Variants in CDC25B observed in about 807,000 individuals in gnomAD.
CDC25B encodes M-phase inducer phosphatase 2.
In CDC25B, 33 loss-of-function variants were observed where a neutral mutation model predicts 69.8. The ratio of observed to expected loss-of-function variants is 0.47; its 90% CI spans 0.36 to 0.63. The LOEUF is 0.63. CDC25B is among the 30% of genes least tolerant of loss of function. The pLI is 0.00. For synonymous variants in CDC25B, 341 were observed against 314.6 expected (o/e 1.08, Z -0.89); for missense variants, 727 against 809.1 (o/e 0.90, Z 1.23).
chr20:3,801,908 C>A lies in CDC25B; in HGVS notation c.922-16C>A. 6.2e-7 allele frequency: 1 copy of A among 1,601,870 alleles called. No individual in the cohort carries two copies. Among genetic ancestry groups the A allele is most frequent in the Non-Finnish European group, 8.5e-7 (1 of 1,172,244 alleles). The stretch of plus-strand genomic sequence containing the variant: ...GGGCCTGGGCACCCTGATCCCTAAC[C>A]TGCTGTCCCTGCCAGGACCTCGTCA... On this transcript the variant is annotated splice_polypyrimidine_tract_variant and intron_variant, in intron 9 of 15. Transcript: ENST00000245960.
chr20:3,800,873 T>C lies in CDC25B; in HGVS notation c.582+8T>C, dbSNP rs370507593. 3.7e-6 allele frequency: 6 copies of C among 1,613,576 alleles called. No homozygotes were observed. The African/African-American group carries it at 6.7e-5, about 18-fold the overall frequency. On this transcript the variant is annotated splice_region_variant and intron_variant, in intron 6 of 15. Coordinates refer to ENST00000245960, the MANE Select transcript of CDC25B (RefSeq NM_021873.4). Reference sequence around the variant, plus strand: ...GGGGAAGACAAGGAGAATGTGCGCTTCTGGAAGGCCGGGGTGGGAGCTCTC... The same window carrying C: ...GGGGAAGACAAGGAGAATGTGCGCTCCTGGAAGGCCGGGGTGGGAGCTCTC...
At chr20:3,798,499 C>A in intron 3 of CDC25B, 36 bp downstream of exon 3, 2 of 1,496,200 alleles carry the variant, frequency 1.3e-6, no homozygotes, top group Non-Finnish European at 1.8e-6. Flanking sequence ...TCCAAGCATT[C>A]AGCACCTGTC....
At chr20:3,797,873 G>A in intron 2 of CDC25B, 124 bp downstream of exon 2, 1 of 1,191,424 alleles carries the variant, frequency 8.4e-7, no homozygotes, top group Non-Finnish European at 1.2e-6. Flanking sequence ...GGGCCCAGGA[G>A]CCTCTCCCCC....
Position 3,805,259 on chromosome 20 carries a change from G to T in CDC25B, c.*298G>T. 2.3e-6 allele frequency: 1 copy of T among 434,636 alleles called. No individual in the cohort carries two copies. The highest frequency in any genetic ancestry group is 4.2e-6 in the Non-Finnish European group (1 of 237,914). 26.9% of individuals were successfully genotyped at this position (434,636 alleles called of 1,614,324 possible). ...CAGGAGCTTCTTGTTTCCTTGTTAG[G>T]GTTAACCCTTCATCTTCCTGTGTCC... On this transcript the variant is annotated 3_prime_UTR_variant, in exon 16 of 16. Transcript: ENST00000245960.
In CDC25B at chr20:3,805,254, G is replaced by A. The variant is rs528382289; in HGVS notation, c.*293G>A. 1 of 449,386 alleles carries A rather than the reference G, an allele frequency of 2.2e-6. No homozygotes were observed. Among genetic ancestry groups the A allele is most frequent in the East Asian group, 3.9e-5 (1 of 25,754 alleles). 27.8% of individuals were successfully genotyped at this position (449,386 alleles called of 1,614,324 possible). On this transcript the variant is annotated 3_prime_UTR_variant, in exon 16 of 16. Coordinates refer to ENST00000245960, the MANE Select transcript of CDC25B (RefSeq NM_021873.4). ...TCCTCCAGGAGCTTCTTGTTTCCTTGTTAGGGTTAACCCTTCATCTTCCTG... is the reference window on the plus strand; with the variant it reads ...TCCTCCAGGAGCTTCTTGTTTCCTTATTAGGGTTAACCCTTCATCTTCCTG...
In CDC25B at chr20:3,803,525, G is replaced by T. The variant is rs1332665483; in HGVS notation, c.1478G>T (p.Arg493Leu). 6.2e-7 allele frequency: 1 copy of T among 1,613,874 alleles called. No homozygotes were observed. The highest frequency in any genetic ancestry group is 8.5e-7 in the Non-Finnish European group (1 of 1,180,006). ...LIFHCEFSSE[R>L]GPRMCRFIRE... ...TTCCACTGTGAATTCTCATCTGAGC[G>T]TGGGCCCCGCATGTGAGTCCCAGCT... is the stretch of plus-strand genomic sequence containing the variant. Residue 493 changes from arginine to leucine, a missense_variant, in exon 14 of 16, where the codon CGT becomes CTT. Arg to Leu is a moderately radical substitution (Grantham distance 102). This residue lies in a region of CDC25B where 359 missense variants were observed against 463.4 expected (regional missense o/e 0.77). Transcript: ENST00000245960. The surrounding 1 kb of genome is among the most constrained non-coding windows in gnomAD (Gnocchi z 4.9).
intron 1 of CDC25B, among the ~76,000 whole-genome samples, chr20:3,789,519 C>T (rs1216527037): frequency 2.0e-5 from 3 of 152,042 alleles, no homozygotes; most frequent in Non-Finnish European, 4.4e-5. Flanking sequence ...CACAGGTGTA[C>T]ACCACCATAC....
At chr20:3,804,002 C>T (rs2089385089) in intron 14 of CDC25B, among the ~76,000 whole-genome samples, 1 of 152,214 alleles carries the variant, frequency 6.6e-6, no homozygotes, top group African/African-American at 2.4e-5. Context: ...TCCTGGGTTG[C>T]CACTGGTCCA....
rs534422119 is a variant in CDC25B at position 3,803,802 on chromosome 20, G to A, written c.1490+265G>A. Among the ~76,000 whole-genome samples, 106 of 151,738 alleles carry A rather than the reference G, an allele frequency of 7.0e-4. 2 individuals carry two copies. Among genetic ancestry groups the A allele is most frequent in the South Asian group, 2.7e-3 (13 of 4,824 alleles). On this transcript the variant is annotated intron_variant, in intron 14 of 15. Transcript: ENST00000245960. The surrounding 1 kb of genome is among the most constrained non-coding windows in gnomAD (Gnocchi z 4.9). ...GAAAATTTAGTTCCAAGTCTCTAGC[G>A]GTGTCTTTTCTCGAAATCTAAGGGC...
In CDC25B at chr20:3,801,245, T is replaced by C. The variant is rs747700582; in HGVS notation, c.706-9T>C. On this transcript the variant is annotated splice_polypyrimidine_tract_variant and intron_variant, in intron 7 of 15. Coordinates refer to ENST00000245960, the MANE Select transcript of CDC25B (RefSeq NM_021873.4). The stretch of plus-strand genomic sequence containing the variant: ...CCTCTAAGTCTGTGTCTGTCTGTCA[T>C]GTGGACAGTGTCTCAGTCCTGACCG... 18 of 1,613,322 alleles carry C rather than the reference T, an allele frequency of 1.1e-5. No homozygotes were observed. Among genetic ancestry groups the C allele is most frequent in the Non-Finnish European group, 5.9e-6 (7 of 1,179,734 alleles).
chr20:3,798,538 C>T, intron 3 of CDC25B, 75 bp downstream of exon 3: 2 of 1,234,254 alleles, frequency 1.6e-6, no homozygotes, highest in Non-Finnish European at 1.1e-6. Flanking sequence ...ACCATAAATT[C>T]ACCCGGGAGG....
At chr20:3,793,095 G>A (rs2088941315), upstream of CDC25B, among the ~76,000 whole-genome samples, 1 of 152,104 alleles carries the variant, frequency 6.6e-6, no homozygotes, top group Non-Finnish European at 1.5e-5. Flanking sequence ...ACATTACATT[G>A]AATAAAATAT....
Position 3,796,566 on chromosome 20 carries a change from C to G in CDC25B, c.35C>G (p.Ser12Trp). 1 of 1,474,900 alleles carries G rather than the reference C, an allele frequency of 6.8e-7. No homozygotes were observed. The highest frequency in any genetic ancestry group is 8.9e-7 in the Non-Finnish European group (1 of 1,119,792). The allele number at this position is 1,474,900 out of a possible 1,614,324, so 91.4% of individuals were successfully genotyped here. A position where few individuals can be genotyped will look rare whatever the true frequency, so the allele number is the denominator to read the frequency against. ...CCCCAGCCGGAGCCCGCGCCAGGCT[C>G]GGCTCTCAGTCCAGCAGGCGTGTGC... ...EVPQPEPAPGSALSPAGVCGG... is the reference protein window; with the variant it reads ...EVPQPEPAPGWALSPAGVCGG... The change falls in exon 1 of 16, where the codon TCG (serine) becomes TGG (tryptophan). Residue 12 changes from serine (S) to tryptophan (W), a missense_variant. Ser to Trp is a radical substitution (Grantham distance 177, BLOSUM62 -3). Coordinates refer to ENST00000245960, the MANE Select transcript of CDC25B (RefSeq NM_021873.4).
intron 5 of CDC25B, 46 bp downstream of exon 5, chr20:3,800,544 G>C: frequency 6.2e-7 from 1 of 1,608,156 alleles, no homozygotes; most frequent in Non-Finnish European, 8.5e-7. Flanking sequence ...TGCTAGCCAG[G>C]CATGGGGTAG....
Position 3,801,328 on chromosome 20 carries a change from T to G in CDC25B, c.780T>G (p.Pro260=). The change falls in exon 8 of 16, where the codon CCT becomes CCG. Residue 260 remains proline (P), a synonymous_variant. Transcript: ENST00000245960. ...CCCTAGGTCGCTTCTCTCTGACCCC[T>G]GCAGAGGGGGATACTGAGGAAGATG... ...PLALGRFSLT[P]AEGDTEEDDG... is the part of the protein sequence containing the mutation. 1 of 1,614,026 alleles carries G rather than the reference T, an allele frequency of 6.2e-7. No individual in the cohort carries two copies. The highest frequency in any genetic ancestry group is 8.5e-7 in the Non-Finnish European group (1 of 1,179,908).
rs923269447 is a variant in CDC25B at position 3,805,837 on chromosome 20, G to A, written c.*876G>A. 3.2e-5 allele frequency: 13 copies of A among 405,838 alleles called. No individual in the cohort carries two copies. Among genetic ancestry groups the A allele is most frequent in the South Asian group, 1.0e-4 (1 of 9,968 alleles). The allele number at this position is 405,838 out of a possible 1,614,324, so 25.1% of individuals were successfully genotyped here. A position where few individuals can be genotyped will look rare whatever the true frequency, so the allele number is the denominator to read the frequency against. ...GATGGGTGGATGGCCGTGGATGGCCGTGGATGCGCAGTGCCTTGCATACCC... is the reference window on the plus strand; with the variant it reads ...GATGGGTGGATGGCCGTGGATGGCCATGGATGCGCAGTGCCTTGCATACCC... On this transcript the variant is annotated 3_prime_UTR_variant, in exon 16 of 16. Coordinates refer to ENST00000245960, the MANE Select transcript of CDC25B (RefSeq NM_021873.4).
rs371350767 is a variant in CDC25B at position 3,800,773 on chromosome 20, C to G, written c.490C>G (p.Arg164Gly). ...GCTGCTGGGCCACAGCCCCGTGCTT[C>G]GGAACATCACCAACTCCCAGGCGCC... is the stretch of plus-strand genomic sequence containing the variant. Reference protein sequence around the residue: ...VRLLGHSPVLRNITNSQAPDG... With the variant: ...VRLLGHSPVLGNITNSQAPDG... Residue 164 changes from arginine to glycine, a missense_variant, in exon 6 of 16, where the codon CGG becomes GGG. This residue lies in a region of CDC25B where 368 missense variants were observed against 345.6 expected (regional missense o/e 1.06). Transcript: ENST00000245960. 1 of 1,611,352 alleles carries G rather than the reference C, an allele frequency of 6.2e-7. No individual in the cohort carries two copies. Among genetic ancestry groups the G allele is most frequent in the Non-Finnish European group, 8.5e-7 (1 of 1,180,016 alleles).
rs185653025 is a variant in CDC25B, at chr20:3,788,128, C to A, written c.8+989C>A. Among the ~76,000 whole-genome samples the A allele has an allele frequency of 3.0e-5, 4 of 134,926 alleles. No individual in the cohort carries two copies. The East Asian group carries it at 8.5e-4, about 29-fold the overall frequency. The allele number at this position is 134,926 out of a possible 152,430, so 88.5% of individuals were successfully genotyped here. ...CTCCAGCCTGGGCAAAAGAGTGAGA[C>A]TCCATCTCAAAAAAAAAGAAAGAAA... On this transcript the variant is annotated intron_variant, in intron 1 of 15. Coordinates refer to the CDC25B transcript ENST00000344256.
At chr20:3,799,110 G>A (rs1771393351) in intron 3 of CDC25B, among the ~76,000 whole-genome samples, 1 of 152,234 alleles carries the variant, frequency 6.6e-6, no homozygotes, top group Non-Finnish European at 1.5e-5. Flanking sequence ...CAGCGGGGCA[G>A]CTGCCAGCCA....
Sources: allele counts gnomAD v4.1 joint callset (sites outside exome capture counted in the v4.1 genomes callset), GRCh38; gene constraint gnomAD v4.1.1; regional missense constraint gnomAD v4.1.1; non-coding constraint Gnocchi (gnomAD v3.1); transcripts MANE v1.5; gene names NCBI Gene and HGNC (gene_info 2026-07-23, HGNC 2026-07-21).